RBFOX1: variants seen among roughly 807,000 people sequenced by gnomAD.
RBFOX1 encodes RNA binding protein fox-1 homolog 1.
Under a neutral mutation model 57.7 loss-of-function variants are expected in RBFOX1, and 8 were observed. That is an observed-to-expected ratio of 0.14 (90% CI 0.08 to 0.25). RBFOX1 has a LOEUF of 0.25. Ranked by LOEUF, RBFOX1 falls within the 10% of genes least tolerant of loss-of-function variation. The pLI is 1.00. For synonymous variants in RBFOX1, 326 were observed against 222.4 expected (o/e 1.47, Z -4.15); for missense variants, 611 against 548.5 (o/e 1.11, Z -1.14).
chr16:6,501,859 C>T (rs1007170448), intron 2 of RBFOX1, among the ~76,000 whole-genome samples: 8 of 152,126 alleles, frequency 5.3e-5, no homozygotes, highest in South Asian at 2.1e-4. Flanking sequence ...CCTCTTAGGA[C>T]GTGTCTTCCA....
chr16:5,378,037 A>G (rs911839647), intron 1 of RBFOX1, among the ~76,000 whole-genome samples: 1 of 151,432 alleles, frequency 6.6e-6, no homozygotes, highest in African/African-American at 2.5e-5. Flanking sequence ...TTCTGTAGTC[A>G]TTCATGGAGA....
At position 5,766,820 on chromosome 16, in the gene RBFOX1, C is replaced by T. The variant is rs572084027; in HGVS notation, c.319-100483C>T. Among the ~76,000 whole-genome samples the T allele has an allele frequency of 2.6e-5, 4 of 152,330 alleles. No individual in the cohort carries two copies. The South Asian group carries it at 8.3e-4, about 32-fold the overall frequency. ...GCTTCTGCCCTCAAGGCCCTCTGCT[C>T]TCTATCCCTCCCCACCAAATCCCAC... On this transcript the variant is annotated intron_variant, in intron 3 of 19. Coordinates refer to the RBFOX1 transcript ENST00000641259.
In RBFOX1 at chr16:7,587,247, C is replaced by A; in HGVS notation, c.415C>A (p.Gln139Lys). 2 of 1,567,374 alleles carry A rather than the reference C, an allele frequency of 1.3e-6. No homozygotes were observed. Among genetic ancestry groups the A allele is most frequent in the Admixed American group, 1.9e-5 (1 of 53,734 alleles). ...RDPDLRQMFG[Q>K]FGKILDVEII... ...ATAAGATATTTCTATTTCTTTGCAG[C>A]AATTTGGTAAAATCTTAGATGTTGA... The change falls in exon 7 of 16, where the codon CAA (glutamine) becomes AAA (lysine). Residue 139 changes from glutamine (Q) to lysine (K), a missense_variant and splice_region_variant. This residue lies in a region of RBFOX1 where 99 missense variants were observed against 160.3 expected (regional missense o/e 0.62). Coordinates refer to ENST00000550418, the MANE Select transcript of RBFOX1 (RefSeq NM_018723.4).
intron 3 of RBFOX1, among the ~76,000 whole-genome samples, chr16:6,832,995 C>T (rs139104816): frequency 7.4e-4 from 112 of 152,192 alleles, no homozygotes; most frequent in African/African-American, 2.6e-3. Context: ...CCTCATTTAC[C>T]ACTAATGTTC....
At chr16:7,102,281 C>G (rs1046547532) in intron 4 of RBFOX1, among the ~76,000 whole-genome samples, 1 of 152,170 alleles carries the variant, frequency 6.6e-6, no homozygotes, top group African/African-American at 2.4e-5. Context: ...GAACTCCATT[C>G]TTTGTCTATC....
At chr16:6,977,189 CACAT>C (rs2087234369) in intron 3 of RBFOX1, among the ~76,000 whole-genome samples, 1 of 144,610 alleles carries the variant, frequency 6.9e-6, no homozygotes, top group Admixed American at 7.1e-5. Flanking sequence ...TCATATATAT[CACAT>C]ATATATGTTT....
chr16:5,410,581 G>T (rs117034584), intron 1 of RBFOX1, among the ~76,000 whole-genome samples: 3,156 of 152,302 alleles, frequency 0.021, 39 homozygotes, highest in Non-Finnish European at 0.032. Context: ...AGAAACGTCA[G>T]TCTCTGTAGC....
At chr16:7,253,733 G>A (rs899738724) in intron 4 of RBFOX1, among the ~76,000 whole-genome samples, 4 of 152,210 alleles carry the variant, frequency 2.6e-5, no homozygotes, top group South Asian at 2.1e-4. Flanking sequence ...ATTCTGTGTC[G>A]ATCTATGGAG....
At chr16:5,315,652 A>C (rs1418653362) in intron 1 of RBFOX1, among the ~76,000 whole-genome samples, 4 of 152,190 alleles carry the variant, frequency 2.6e-5, no homozygotes, top group African/African-American at 9.6e-5. Context: ...TGCGTTTGCA[A>C]GGAATTAATT....
intron 3 of RBFOX1, among the ~76,000 whole-genome samples, chr16:6,809,850 T>C (rs977417301): frequency 1.3e-5 from 2 of 152,166 alleles, no homozygotes; most frequent in Admixed American, 1.3e-4. Flanking sequence ...CCAAGTGTAA[T>C]TCACCAGTCC....
intron 2 of RBFOX1, among the ~76,000 whole-genome samples, chr16:6,611,600 T>G (rs1236729457): frequency 3.9e-5 from 6 of 152,338 alleles, no homozygotes; most frequent in African/African-American, 1.4e-4. Flanking sequence ...CTATCCGTGT[T>G]CCGCTGTTCA....
At chr16:5,437,445 G>A (rs748699402) in intron 1 of RBFOX1, among the ~76,000 whole-genome samples, 5 of 152,290 alleles carry the variant, frequency 3.3e-5, no homozygotes, top group South Asian at 4.1e-4. Flanking sequence ...CCTAAGTATC[G>A]TAAAAACATG....
intron 2 of RBFOX1, among the ~76,000 whole-genome samples, chr16:6,375,351 A>G (rs949326420): frequency 6.6e-6 from 1 of 152,122 alleles, no homozygotes; most frequent in Admixed American, 6.5e-5. Context: ...TAACAAAGAA[A>G]GCCAAAATAA....
intron 3 of RBFOX1, among the ~76,000 whole-genome samples, chr16:6,777,538 G>A (rs2079582880): frequency 6.6e-6 from 1 of 152,088 alleles, no homozygotes; most frequent in South Asian, 2.1e-4. Context: ...TTCCCTGAGG[G>A]AACTTTAGAC....
chr16:5,266,458 AGTAG>A (rs773032751), intron 1 of RBFOX1, among the ~76,000 whole-genome samples: 5 of 151,880 alleles, frequency 3.3e-5, no homozygotes, highest in African/African-American at 4.8e-5. Context: ...GTCAGGGGTT[AGTAG>A]AGATGGAAGA....
At chr16:5,586,330 A>G (rs1160960148) in intron 2 of RBFOX1, among the ~76,000 whole-genome samples, 1 of 152,214 alleles carries the variant, frequency 6.6e-6, no homozygotes, top group African/African-American at 2.4e-5. Flanking sequence ...GAACTAAAGT[A>G]CATGTTTTTA....
Position 5,414,938 on chromosome 16 carries a change from T to C in RBFOX1, c.220-52278T>C, listed in dbSNP as rs865805672. On this transcript the variant is annotated intron_variant, in intron 1 of 2. Transcript: ENST00000585867. ...GGGGTAATAGTCCATGCCTGTTTTTTACCCTTGGTGGAGGCTTTTGTGCTT... is the reference window on the plus strand; with the variant it reads ...GGGGTAATAGTCCATGCCTGTTTTTCACCCTTGGTGGAGGCTTTTGTGCTT... Among the ~76,000 whole-genome samples, 3 of 152,228 alleles carry C rather than the reference T, an allele frequency of 2.0e-5. No homozygotes were observed. The South Asian group carries it at 6.2e-4, about 31-fold the overall frequency.
At chr16:6,905,933 C>T (rs985657800) in intron 3 of RBFOX1, among the ~76,000 whole-genome samples, 1 of 152,170 alleles carries the variant, frequency 6.6e-6, no homozygotes, top group Non-Finnish European at 1.5e-5. Context: ...CTTCCTTCTG[C>T]CCTTGTGTTT....
At chr16:5,625,535 G>GGTAT (rs1555486495) in intron 3 of RBFOX1, among the ~76,000 whole-genome samples, 1 of 143,068 alleles carries the variant, frequency 7.0e-6, no homozygotes, top group Non-Finnish European at 1.5e-5. Flanking sequence ...AATATTTTTT[G>GGTAT]TTATTTATTT....
Sources: gnomAD v4.1 joint callset for allele counts (sites outside exome capture counted in the v4.1 genomes callset) on GRCh38, gnomAD v4.1.1 for gene constraint, gnomAD v4.1.1 regional missense constraint, MANE v1.5 for transcripts, NCBI Gene and HGNC (gene_info 2026-07-23, HGNC 2026-07-21) for gene names.